The following PTPRT variants were observed in gnomAD, a reference collection of about 807,000 sequenced individuals.
PTPRT encodes the protein receptor-type tyrosine-protein phosphatase T.
In PTPRT, 56 loss-of-function variants were observed where a neutral mutation model predicts 176.8. The observed-to-expected ratio is 0.32, with a 90% CI of 0.26 to 0.40. PTPRT has a LOEUF of 0.40. Among genes scored for constraint, PTPRT ranks in the 10% least tolerant of loss-of-function variants. The probability of loss-of-function intolerance (pLI) is 1.00; values close to 1 mark genes in which losing one functional copy is unlikely to be tolerated. For synonymous variants in PTPRT, 783 were observed against 739.0 expected (o/e 1.06, Z -0.96); for missense variants, 1,540 against 1,908.2 (o/e 0.81, Z 3.60).
chr20:42,584,270 T>A (rs1255288922), intron 7 of PTPRT, among the ~76,000 whole-genome samples: 1 of 152,168 alleles, frequency 6.6e-6, no homozygotes, highest in Non-Finnish European at 1.5e-5. Flanking sequence ...CAATGGCCCA[T>A]AAATCTCTAC....
At chr20:43,028,293 G>A (rs1055855895) in intron 1 of PTPRT, among the ~76,000 whole-genome samples, 5 of 152,070 alleles carry the variant, frequency 3.3e-5, no homozygotes, top group African/African-American at 1.2e-4. Context: ...CAAGACACAA[G>A]CACACCTACT....
chr20:43,163,845 T>C (rs1368480347), intron 1 of PTPRT, among the ~76,000 whole-genome samples: 2 of 152,198 alleles, frequency 1.3e-5, no homozygotes, highest in African/African-American at 2.4e-5. Flanking sequence ...GAGGGAGATA[T>C]GAACACATCC....
At chr20:42,109,455 T>A (rs1986820341) in intron 23 of PTPRT, among the ~76,000 whole-genome samples, 1 of 152,152 alleles carries the variant, frequency 6.6e-6, no homozygotes. Context: ...TCATTCTCAA[T>A]GTGACTTTCT....
chr20:42,834,457 A>T (rs2078146786), intron 2 of PTPRT, among the ~76,000 whole-genome samples: 1 of 152,138 alleles, frequency 6.6e-6, no homozygotes, highest in South Asian at 2.1e-4. Flanking sequence ...AAACAGATTG[A>T]CAGTTCCTTA....
At position 42,235,250 on chromosome 20, in the gene PTPRT, A is replaced by ATTT. The variant is rs1397485678; in HGVS notation, c.2342+976_2342+978dup. Among the ~76,000 whole-genome samples the ATTT allele has an allele frequency of 1.7e-4, 25 of 146,352 alleles. 1 individual carries two copies. Among genetic ancestry groups the ATTT allele is most frequent in the African/African-American group, 6.6e-4 (24 of 36,336 alleles). ...TTTGAGCATCTCTGTTGTTGTTGTT[A>ATTT]TTTATTATTATTATTATTATTATTA... On this transcript the variant is annotated intron_variant, in intron 15 of 30. Transcript: ENST00000373187.
chr20:43,001,414 C>T (rs528748646), intron 1 of PTPRT, among the ~76,000 whole-genome samples: 1 of 151,892 alleles, frequency 6.6e-6, no homozygotes, highest in South Asian at 2.1e-4. Context: ...AATTTTTTAA[C>T]CTACAGCTAG....
At chr20:42,962,319 A>G (rs1414675855) in intron 1 of PTPRT, among the ~76,000 whole-genome samples, 2 of 152,212 alleles carry the variant, frequency 1.3e-5, no homozygotes, top group African/African-American at 4.8e-5. Context: ...AAACTTTAGC[A>G]TACTGGGTAA....
chr20:43,116,243 A>AACCACTGACTCTCAGAT (rs1412486861), intron 1 of PTPRT, among the ~76,000 whole-genome samples: 1 of 152,178 alleles, frequency 6.6e-6, no homozygotes, highest in Non-Finnish European at 1.5e-5. Flanking sequence ...TGCCGCATGG[A>AACCACTGACTCTCAGAT]ACCACTGACT....
chr20:42,695,011 C>A (rs567075050), intron 6 of PTPRT, among the ~76,000 whole-genome samples: 38 of 152,300 alleles, frequency 2.5e-4, no homozygotes, highest in African/African-American at 9.1e-4. Flanking sequence ...TGCCTGTAAT[C>A]CCAGCCCTTT....
chr20:42,480,749 G>A (rs1036092533), intron 7 of PTPRT, among the ~76,000 whole-genome samples: 2 of 152,068 alleles, frequency 1.3e-5, no homozygotes, highest in Non-Finnish European at 2.9e-5. Context: ...CCTGACATTC[G>A]TTATCATAGA....
chr20:42,823,302 C>T (rs2077932308), intron 2 of PTPRT, among the ~76,000 whole-genome samples: 2 of 152,118 alleles, frequency 1.3e-5, no homozygotes, highest in South Asian at 4.1e-4. Context: ...AAACCAAACA[C>T]CGCATGTTCT....
intron 6 of PTPRT, among the ~76,000 whole-genome samples, chr20:42,707,860 C>T (rs1177287209): frequency 1.3e-5 from 2 of 152,326 alleles, no homozygotes; most frequent in Non-Finnish European, 2.9e-5. Context: ...GCTCAGCTAA[C>T]ACCTTGACTC....
chr20:42,930,118 A>G (rs1979737667), intron 1 of PTPRT, among the ~76,000 whole-genome samples: 1 of 152,202 alleles, frequency 6.6e-6, no homozygotes, highest in Non-Finnish European at 1.5e-5. Flanking sequence ...TAAAGGAGGG[A>G]AGAGGACAGG....
intron 4 of PTPRT, 138 bp from the exon 5 acceptor site, chr20:42,771,688 T>C (rs2077065524): frequency 1.5e-6 from 1 of 669,754 alleles, no homozygotes; most frequent in African/African-American, 1.8e-5. Context: ...CAGTCAAGAT[T>C]TCATTGATCA....
intron 1 of PTPRT, among the ~76,000 whole-genome samples, chr20:43,043,415 G>A (rs1986713127): frequency 6.6e-6 from 1 of 152,162 alleles, no homozygotes; most frequent in South Asian, 2.1e-4. Flanking sequence ...ATAAGCAATA[G>A]TTAGTATTAA....
rs557496397 is a variant in PTPRT, at chr20:42,876,376, T to C, written c.214+9431A>G. The stretch of plus-strand genomic sequence containing the variant: ...AAGGAAGAGTAGGTCAATCTGAGAA[T>C]AGATTACATCTTTCCAAGAGGAGCC... On this transcript the variant is annotated intron_variant, in intron 2 of 30. Transcript: ENST00000373187. Among the ~76,000 whole-genome samples, 27 of 152,322 alleles carry C rather than the reference T, an allele frequency of 1.8e-4. No individual in the cohort carries two copies. In the South Asian group the frequency reaches 5.0e-3, roughly 28 times the overall value.
At chr20:42,210,816 AAAG>A (rs2055604588) in intron 15 of PTPRT, among the ~76,000 whole-genome samples, 2 of 152,228 alleles carry the variant, frequency 1.3e-5, no homozygotes, top group African/African-American at 2.4e-5. Context: ...ATATGGAACC[AAAG>A]AAGAGCCCAC....
chr20:42,397,084 C>T (rs1030329828), intron 9 of PTPRT, among the ~76,000 whole-genome samples: 10 of 152,138 alleles, frequency 6.6e-5, no homozygotes, highest in East Asian at 3.9e-4. Flanking sequence ...TACTATCTGT[C>T]GCACTCAACT....
Position 42,305,623 on chromosome 20 carries a change from G to A in PTPRT, c.2139+10100C>T, listed in dbSNP as rs958876314. On this transcript the variant is annotated intron_variant, in intron 12 of 30. Transcript: ENST00000373187. The stretch of plus-strand genomic sequence containing the variant: ...CATGTGTGTGCACGTGTGTGTGTGC[G>A]TGTATGTGTGTGTGTGTGTTTTAGC... Among the ~76,000 whole-genome samples, 4 of 133,808 alleles carry A rather than the reference G, an allele frequency of 3.0e-5. No homozygotes were observed. The South Asian group carries it at 6.7e-4, about 22-fold the overall frequency. 87.8% of individuals were successfully genotyped at this position (133,808 alleles called of 152,430 possible). A position where few individuals can be genotyped will look rare whatever the true frequency, so the allele number is the denominator to read the frequency against.
Sources: gnomAD v4.1 joint callset for allele counts (sites outside exome capture counted in the v4.1 genomes callset) on GRCh38, gnomAD v4.1.1 for gene constraint, MANE v1.5 for transcripts, NCBI Gene and HGNC (gene_info 2026-07-23, HGNC 2026-07-21) for gene names.